The following CYP19A1 variants were observed in gnomAD, a reference collection of about 807,000 sequenced individuals.
CYP19A1 encodes the protein cytochrome P450 family 19 subfamily A member 1.
Under a neutral mutation model 44.4 loss-of-function variants are expected in CYP19A1, and 32 were observed. The observed-to-expected ratio is 0.72, with a 90% CI of 0.54 to 0.97. The LOEUF is 0.97. CYP19A1 is among the 50% of genes least tolerant of loss of function. The pLI is 0.00. For synonymous variants in CYP19A1, 212 were observed against 215.6 expected, an observed-to-expected ratio of 0.98 and a Z score of 0.14; for missense variants, 598 against 637.8, an observed-to-expected ratio of 0.94 and a Z score of 0.67.
At chr15:51,247,510 C>G (rs548997993) in intron 1 of CYP19A1, among the ~76,000 whole-genome samples, 12 of 152,120 alleles carry the variant, frequency 7.9e-5, no homozygotes, top group Non-Finnish European at 1.5e-4. Flanking sequence ...TGCTCTGTTG[C>G]CCAGGCTGGC....
intron 1 of CYP19A1, among the ~76,000 whole-genome samples, chr15:51,282,711 C>T (rs57553306): frequency 6.6e-4 from 101 of 152,140 alleles, no homozygotes; most frequent in African/African-American, 1.8e-3. Context: ...CAACGTGGGG[C>T]GACAAAGGCC....
chr15:51,329,804 TA>T (rs772210836), intron 1 of CYP19A1, among the ~76,000 whole-genome samples: 59 of 152,300 alleles, frequency 3.9e-4, no homozygotes, highest in Non-Finnish European at 6.3e-4. Context: ...CTGGGAGTAT[TA>T]GATGAGCAAG....
At chr15:51,242,996 G>C in intron 1 of CYP19A1, 46 bp from the exon 2 acceptor site, 1 of 942,476 alleles carries the variant, frequency 1.1e-6, no homozygotes. Context: ...CCCCTAAAAG[G>C]TTCATCTATA....
rs1307088676 is a variant in CYP19A1, at chr15:51,210,358, C to T, written c.*450G>A. The stretch of plus-strand genomic sequence containing the variant: ...AACAAAATTAAAGTACTTTAATTCA[C>T]ACTAGCAGGTGGGTTTGGCCCCAGG... On this transcript the variant is annotated 3_prime_UTR_variant, in exon 10 of 10. Transcript: ENST00000396402. The T allele has an allele frequency of 6.1e-6, 3 of 490,780 alleles. No individual in the cohort carries two copies. The East Asian group carries it at 1.5e-4, about 24-fold the overall frequency. The allele number at this position is 490,780 out of a possible 1,614,324, so 30.4% of individuals were successfully genotyped here.
At chr15:51,266,726 A>C (rs749339117) in intron 1 of CYP19A1, among the ~76,000 whole-genome samples, 1 of 152,226 alleles carries the variant, frequency 6.6e-6, no homozygotes, top group Non-Finnish European at 1.5e-5. Context: ...GCTGGAGGCA[A>C]AGAGCTGACA....
chr15:51,222,672 CTT>C, intron 4 of CYP19A1, 147 bp from the exon 5 acceptor site: 1 of 717,886 alleles, frequency 1.4e-6, no homozygotes, highest in South Asian at 1.6e-5. Context: ...TTTTCGTATG[CTT>C]TTCTGTGGTC....
intron 1 of CYP19A1, among the ~76,000 whole-genome samples, chr15:51,318,199 C>A (rs985897734): frequency 9.5e-5 from 14 of 146,780 alleles, no homozygotes; most frequent in Non-Finnish European, 1.5e-5. Context: ...AATTTACTGC[C>A]CTCAACAGTC....
intron 1 of CYP19A1, among the ~76,000 whole-genome samples, chr15:51,306,531 C>G (rs533086873): frequency 2.6e-5 from 4 of 152,036 alleles, no homozygotes; most frequent in African/African-American, 9.6e-5. Context: ...GAACAAATAG[C>G]TTAAAAAAAA....
At chr15:51,296,373 G>A (rs1031986502) in intron 1 of CYP19A1, among the ~76,000 whole-genome samples, 8 of 152,106 alleles carry the variant, frequency 5.3e-5, no homozygotes, top group Admixed American at 5.2e-4. Flanking sequence ...GGTGGCAGGT[G>A]GGGGCATGAC....
chr15:51,319,847 T>C (rs941871389), intron 1 of CYP19A1, among the ~76,000 whole-genome samples: 1 of 151,724 alleles, frequency 6.6e-6, no homozygotes, highest in Non-Finnish European at 1.5e-5. Context: ...AGGTGATCTC[T>C]ATCAGGTCAT....
rs1356666512 is a variant in CYP19A1, at chr15:51,223,593, T to TCTCTCACACACACACACACACACA, written c.452-1069_452-1068insTGTGTGTGTGTGTGTGTGTGAGAG. On this transcript the variant is annotated intron_variant, in intron 4 of 9. Transcript: ENST00000396402. ...CTTGCTCTCTCTCTCTCTCTCTCTC[T>TCTCTCACACACACACACACACACA]CACACACACACACACACACACACAC... is the stretch of plus-strand genomic sequence containing the variant. Among the ~76,000 whole-genome samples, 382 of 90,152 alleles carry TCTCTCACACACACACACACACACA rather than the reference T, an allele frequency of 4.2e-3. 5 individuals are homozygous for TCTCTCACACACACACACACACACA. The highest frequency in any genetic ancestry group is 0.017 in the East Asian group (36 of 2,120). The allele number at this position is 90,152 out of a possible 152,430, so 59.1% of individuals were successfully genotyped here.
intron 1 of CYP19A1, among the ~76,000 whole-genome samples, chr15:51,326,773 G>A (rs983062150): frequency 3.3e-5 from 5 of 152,182 alleles, no homozygotes; most frequent in African/African-American, 9.7e-5. Flanking sequence ...ATGAGACACA[G>A]GGCTTTGGAA....
In CYP19A1 at chr15:51,211,059, A is replaced by T; in HGVS notation, c.1264-3T>A. ...GGCTGAAAGTACCTATAAGGAACCT[A>T]TGAAAATGATCAGACAGTTAGCCAG... is the stretch of plus-strand genomic sequence containing the variant. On this transcript the variant is annotated splice_region_variant and splice_polypyrimidine_tract_variant and intron_variant, in intron 9 of 9. Coordinates refer to ENST00000396402, the MANE Select transcript of CYP19A1 (RefSeq NM_000103.4). 1 of 1,573,694 alleles carries T rather than the reference A, an allele frequency of 6.4e-7. No homozygotes were observed. The highest frequency in any genetic ancestry group is 8.7e-7 in the Non-Finnish European group (1 of 1,143,282).
chr15:51,318,415 CA>C (rs1422147197), intron 1 of CYP19A1: 2 of 152,246 alleles, frequency 1.3e-5, no homozygotes, highest in Non-Finnish European at 2.9e-5. Context: ...TGTCCCTACT[CA>C]GACTCCAAGG....
chr15:51,246,200 G>A (rs544969461), intron 1 of CYP19A1, among the ~76,000 whole-genome samples: 1 of 151,896 alleles, frequency 6.6e-6, no homozygotes, highest in African/African-American at 2.4e-5. Context: ...AATATAGGAA[G>A]GTCCTAGAAC....
intron 1 of CYP19A1, among the ~76,000 whole-genome samples, chr15:51,257,902 T>C (rs2034574225): frequency 6.6e-6 from 1 of 152,278 alleles, no homozygotes; most frequent in Non-Finnish European, 1.5e-5. Context: ...TGCATGCATA[T>C]ACTTCTATGC....
chr15:51,280,870 A>T (rs1313143432), intron 1 of CYP19A1, among the ~76,000 whole-genome samples: 2 of 152,198 alleles, frequency 1.3e-5, no homozygotes, highest in African/African-American at 4.8e-5. Flanking sequence ...ATCCTGACCA[A>T]CCACTGCTGG....
chr15:51,311,877 A>T (rs1048742688), intron 1 of CYP19A1, among the ~76,000 whole-genome samples: 1 of 152,232 alleles, frequency 6.6e-6, no homozygotes, highest in Non-Finnish European at 1.5e-5. Context: ...CCTGAAAAAA[A>T]TCTCAGGGTT....
intron 1 of CYP19A1, among the ~76,000 whole-genome samples, chr15:51,261,878 C>T (rs2034736708): frequency 2.6e-5 from 4 of 152,156 alleles, no homozygotes; most frequent in African/African-American, 7.2e-5. Flanking sequence ...GGCCACTTCT[C>T]ACTGCCCACC....
Sources: allele counts gnomAD v4.1 joint callset (sites outside exome capture counted in the v4.1 genomes callset), GRCh38; gene constraint gnomAD v4.1.1; transcripts MANE v1.5; gene names NCBI Gene and HGNC (gene_info 2026-07-23, HGNC 2026-07-21).